NOL4: variants seen among roughly 807,000 people sequenced by gnomAD.
NOL4 encodes cancer/testis antigen 125.
NOL4 carries 17 observed loss-of-function variants against 75.9 expected under a neutral mutation model. The ratio of observed to expected loss-of-function variants is 0.22; its 90% CI spans 0.15 to 0.34. The LOEUF is 0.34. NOL4 is among the 10% of genes least tolerant of loss of function. The pLI is 1.00. For synonymous variants in NOL4, 292 were observed against 289.9 expected (o/e 1.01, Z -0.07); for missense variants, 614 against 793.5 (o/e 0.77, Z 2.72).
chr18:34,071,434 G>GACACACAC (rs879681812), intron 5 of NOL4, among the ~76,000 whole-genome samples: 20 of 66,518 alleles, frequency 3.0e-4, no homozygotes, highest in South Asian at 8.3e-4. Flanking sequence ...CAGACAGACA[G>GACACACAC]ACAGACACAC....
intron 1 of NOL4, among the ~76,000 whole-genome samples, chr18:34,153,538 T>A (rs186840256): frequency 5.2e-4 from 79 of 152,094 alleles, no homozygotes; most frequent in Non-Finnish European, 9.0e-4. Flanking sequence ...AATAAATGAA[T>A]ACATTCCCCA....
chr18:34,027,650 C>T (rs2075412086), intron 5 of NOL4, among the ~76,000 whole-genome samples: 2 of 152,122 alleles, frequency 1.3e-5, no homozygotes, highest in African/African-American at 4.8e-5. Flanking sequence ...GTATTATACA[C>T]TAATTTTTTC....
intron 5 of NOL4, among the ~76,000 whole-genome samples, chr18:34,024,320 A>G (rs752726169): frequency 1.3e-5 from 2 of 149,406 alleles, no homozygotes; most frequent in African/African-American, 2.5e-5. Flanking sequence ...ATTCACCACA[A>G]TTTTCCTCCT....
At chr18:34,190,487 A>T (rs1176858742) in intron 1 of NOL4, among the ~76,000 whole-genome samples, 1 of 151,938 alleles carries the variant, frequency 6.6e-6, no homozygotes, top group African/African-American at 2.4e-5. Context: ...TTATATGAAT[A>T]AATGTGCTGT....
chr18:34,114,835 A>G (rs2145781132), intron 2 of NOL4, among the ~76,000 whole-genome samples: 1 of 152,282 alleles, frequency 6.6e-6, no homozygotes, highest in South Asian at 2.1e-4. Flanking sequence ...CTTATCCAAC[A>G]GACAAGACAA....
chr18:34,120,626 G>A (rs184487245), intron 2 of NOL4, among the ~76,000 whole-genome samples: 11 of 152,132 alleles, frequency 7.2e-5, no homozygotes, highest in Middle Eastern at 3.4e-3. Flanking sequence ...TTTTTCAGAC[G>A]GATAAAAACA....
chr18:34,186,133 T>G (rs2034444904), intron 1 of NOL4, among the ~76,000 whole-genome samples: 1 of 152,212 alleles, frequency 6.6e-6, no homozygotes, highest in Admixed American at 6.5e-5. Flanking sequence ...TAAAATGTAT[T>G]ATTTAGCTCA....
intron 9 of NOL4, among the ~76,000 whole-genome samples, chr18:33,938,244 A>C (rs1459874053): frequency 6.6e-6 from 1 of 152,104 alleles, no homozygotes; most frequent in Non-Finnish European, 1.5e-5. Context: ...GGGGTTGTTG[A>C]GAATGGTAAA....
At chr18:34,180,948 C>A in intron 1 of NOL4, among the ~76,000 whole-genome samples, 1 of 150,938 alleles carries the variant, frequency 6.6e-6, no homozygotes, top group African/African-American at 2.4e-5. Flanking sequence ...AAATATACTC[C>A]AAGATTATAG....
At chr18:33,888,163 A>T (rs1401293830) in intron 9 of NOL4, among the ~76,000 whole-genome samples, 3 of 152,176 alleles carry the variant, frequency 2.0e-5, no homozygotes, top group Non-Finnish European at 4.4e-5. Context: ...CATTTCTCTG[A>T]TGACCAGTGA....
intron 10 of NOL4, among the ~76,000 whole-genome samples, chr18:33,867,720 G>T (rs2063502408): frequency 6.6e-6 from 1 of 151,436 alleles, no homozygotes; most frequent in Non-Finnish European, 1.5e-5. Context: ...CAATTATATA[G>T]ATTGAAAAGT....
At chr18:33,891,475 T>C (rs923361281) in intron 9 of NOL4, among the ~76,000 whole-genome samples, 18 of 152,132 alleles carry the variant, frequency 1.2e-4, no homozygotes, top group Non-Finnish European at 2.9e-5. Context: ...GAAGACACAA[T>C]GTTCTATACT....
chr18:33,969,801 T>G (rs1474795466), intron 6 of NOL4, among the ~76,000 whole-genome samples: 1 of 151,644 alleles, frequency 6.6e-6, no homozygotes, highest in Non-Finnish European at 1.5e-5. Context: ...ACTTTGAAGA[T>G]TCCCATGAAA....
Position 33,974,183 on chromosome 18 carries a change from G to A in NOL4, c.1057-15765C>T, listed in dbSNP as rs141858051. 8.8e-3 allele frequency among the ~76,000 whole-genome samples: 1,332 copies of A among 152,156 alleles called. 9 individuals carry two copies. The highest frequency in any genetic ancestry group is 0.016 in the Non-Finnish European group (1,068 of 68,002). On this transcript the variant is annotated intron_variant, in intron 6 of 10. Transcript: ENST00000261592. Reference sequence around the variant, plus strand: ...CTTTACCTTGCATGTTTATGTTCTGGTGAAGGCCTCTTTCCTTAAACCTTC... The same window carrying A: ...CTTTACCTTGCATGTTTATGTTCTGATGAAGGCCTCTTTCCTTAAACCTTC...
chr18:34,138,461 G>GA (rs572240779), intron 1 of NOL4, among the ~76,000 whole-genome samples: 2 of 152,022 alleles, frequency 1.3e-5, no homozygotes, highest in Admixed American at 6.6e-5. Context: ...CTGGGGAGGA[G>GA]AAAAAAATAA....
chr18:33,888,546 T>C (rs971281109), intron 9 of NOL4, among the ~76,000 whole-genome samples: 1 of 152,144 alleles, frequency 6.6e-6, no homozygotes, highest in Non-Finnish European at 1.5e-5. Context: ...GTTTTTACAG[T>C]GTTAGGTCTT....
At chr18:34,148,366 C>T (rs2081499335) in intron 1 of NOL4, among the ~76,000 whole-genome samples, 1 of 152,060 alleles carries the variant, frequency 6.6e-6, no homozygotes, top group South Asian at 2.1e-4. Flanking sequence ...TATAAATTTT[C>T]CTGTAAACAC....
intron 6 of NOL4, among the ~76,000 whole-genome samples, chr18:34,010,077 A>G (rs1941344): frequency 4.7e-4 from 69 of 148,132 alleles, no homozygotes; most frequent in Non-Finnish European, 7.8e-4. Flanking sequence ...AGCTAACCCT[A>G]AGATCGCCAT....
intron 5 of NOL4, among the ~76,000 whole-genome samples, chr18:34,083,674 G>C (rs1412913130): frequency 1.3e-5 from 2 of 152,122 alleles, no homozygotes; most frequent in African/African-American, 2.4e-5. Context: ...ACTAGTTACT[G>C]GCCGAGCTAG....
Sources: gnomAD v4.1 joint callset for allele counts (sites outside exome capture counted in the v4.1 genomes callset) on GRCh38, gnomAD v4.1.1 for gene constraint, MANE v1.5 for transcripts, NCBI Gene and HGNC (gene_info 2026-07-23, HGNC 2026-07-21) for gene names.